Variants in CFH observed in about 807,000 individuals in gnomAD.
The protein encoded by CFH is complement factor H.
Under a neutral mutation model 147.3 loss-of-function variants are expected in CFH, and 53 were observed. The observed-to-expected ratio is 0.36, with a 90% CI of 0.29 to 0.45. CFH has a LOEUF of 0.45. CFH is among the 20% of genes least tolerant of loss of function. The pLI, the probability that CFH is intolerant of heterozygous loss-of-function variation, is 1.00. For missense variants in CFH, 1,380 were observed against 1,498.0 expected (o/e 0.92, Z 1.30); for synonymous variants, 536 against 489.4 (o/e 1.10, Z -1.26).
intron 21 of CFH, among the ~76,000 whole-genome samples, chr1:196,746,407 C>A (rs548788289): frequency 6.6e-6 from 1 of 152,236 alleles, no homozygotes; most frequent in African/African-American, 2.4e-5. Context: ...GCCGAGTTCG[C>A]GCCACTGCAC....
At chr1:196,704,970 T>A (rs977388203) in intron 9 of CFH, among the ~76,000 whole-genome samples, 9 of 152,316 alleles carry the variant, frequency 5.9e-5, no homozygotes, top group Middle Eastern at 3.4e-3. Context: ...CAGAGTCCCA[T>A]GAAGTGTTTG....
intron 5 of CFH, 117 bp downstream of exon 5, chr1:196,677,784 A>G (rs1667509730): frequency 2.1e-6 from 2 of 967,672 alleles, no homozygotes; most frequent in East Asian, 2.6e-5. Context: ...TTTATTGAGC[A>G]CTTACTATCT....
At chr1:196,676,207 A>G in intron 4 of CFH, 142 bp downstream of exon 4, 2 of 532,274 alleles carry the variant, frequency 3.8e-6, no homozygotes, top group Non-Finnish European at 3.1e-6. Context: ...GTGGGAATCT[A>G]GTCTTTTTAT....
At chr1:196,679,968 C>T (rs886761323) in intron 6 of CFH, among the ~76,000 whole-genome samples, 175 bp downstream of exon 6, 3 of 151,706 alleles carry the variant, frequency 2.0e-5, no homozygotes, top group Non-Finnish European at 2.9e-5. Flanking sequence ...ACACTTCGTA[C>T]GATACACACA....
At chr1:196,728,637 G>A in intron 15 of CFH, 115 bp downstream of exon 15, 1 of 1,024,796 alleles carries the variant, frequency 9.8e-7, no homozygotes, top group Non-Finnish European at 1.5e-6. Context: ...TACTGAATAA[G>A]GCAGGTAAAC....
At chr1:196,701,099 T>C (rs1668435889) in intron 9 of CFH, among the ~76,000 whole-genome samples, 1 of 152,198 alleles carries the variant, frequency 6.6e-6, no homozygotes, top group South Asian at 2.1e-4. Context: ...TTTTGGAATC[T>C]GAAACTTTAT....
chr1:196,718,392 G>A (rs1468081304), intron 11 of CFH, among the ~76,000 whole-genome samples: 1 of 152,098 alleles, frequency 6.6e-6, no homozygotes, highest in Non-Finnish European at 1.5e-5. Context: ...ATGGTTGAAA[G>A]CCATTTGTTA....
chr1:196,730,389 A>G (rs1669254816), intron 15 of CFH, among the ~76,000 whole-genome samples: 1 of 151,854 alleles, frequency 6.6e-6, no homozygotes, highest in African/African-American at 2.4e-5. Context: ...AAAATTTTCC[A>G]TAGTTCCTCC....
At chr1:196,668,088 A>G (rs1233395952) in intron 1 of CFH, among the ~76,000 whole-genome samples, 1 of 152,150 alleles carries the variant, frequency 6.6e-6, no homozygotes, top group East Asian at 1.9e-4. Flanking sequence ...AGTAAAATAT[A>G]CATAGCATAG....
intron 9 of CFH, among the ~76,000 whole-genome samples, chr1:196,698,981 A>C (rs2149095118): frequency 6.6e-6 from 1 of 152,306 alleles, no homozygotes; most frequent in Non-Finnish European, 1.5e-5. Flanking sequence ...GATGCAGAAA[A>C]GGCCTTCAAT....
rs117464455 is a variant in CFH, at chr1:196,674,843, A to G, written c.350+881A>G. 9.9e-5 allele frequency among the ~76,000 whole-genome samples: 15 copies of G among 152,280 alleles called. No individual in the cohort carries two copies. The East Asian group carries it at 2.9e-3, about 29-fold the overall frequency. On this transcript the variant is annotated intron_variant, in intron 3 of 21. Transcript: ENST00000367429. ...CCATTTCCTCTCCTACAAAACAGACACATTTTATGTGCATCATGGATTGGC... is the reference window on the plus strand; with the variant it reads ...CCATTTCCTCTCCTACAAAACAGACGCATTTTATGTGCATCATGGATTGGC...
chr1:196,709,582 A>C (rs1486381258), intron 9 of CFH, among the ~76,000 whole-genome samples: 2 of 152,148 alleles, frequency 1.3e-5, no homozygotes, highest in Non-Finnish European at 2.9e-5. Flanking sequence ...AAGGGGGAAA[A>C]ATTCAACTAT....
intron 12 of CFH, among the ~76,000 whole-genome samples, chr1:196,725,623 G>A (rs1181524486): frequency 1.3e-5 from 2 of 152,146 alleles, no homozygotes; most frequent in Non-Finnish European, 2.9e-5. Context: ...CTATACTCAT[G>A]ACTATAAAAT....
Position 196,675,970 on chromosome 1 carries a change from G to A in CFH, c.351-19G>A, listed in dbSNP as rs980622798. 6.4e-7 allele frequency: 1 copy of A among 1,555,450 alleles called. No individual in the cohort carries two copies. The highest frequency in any genetic ancestry group is 8.9e-7 in the Non-Finnish European group (1 of 1,127,928). On this transcript the variant is annotated intron_variant, in intron 3 of 21. Transcript: ENST00000367429. ...TAAACACACATTATGTCAACGTTCT[G>A]TTATTTTTTGGTTTTCAGGTATCAA... is the stretch of plus-strand genomic sequence containing the variant.
At chr1:196,705,096 T>G (rs2149098174) in intron 9 of CFH, among the ~76,000 whole-genome samples, 1 of 152,326 alleles carries the variant, frequency 6.6e-6, no homozygotes, top group Non-Finnish European at 1.5e-5. Flanking sequence ...TAAGGAGTTT[T>G]GGGACCTCCA....
At position 196,672,278 on chromosome 1, in the gene CFH, C is replaced by CCCTATATTT. The variant is rs1284546318; in HGVS notation, c.59-699_59-691dup. ...TAACCAGGTAAAAAATGGCCAGAGA[C>CCCTATATTT]CCTATATTTACTTGAAACAGGTCCT... On this transcript the variant is annotated intron_variant, in intron 1 of 21. Transcript: ENST00000367429. Among the ~76,000 whole-genome samples, 16 of 152,238 alleles carry CCCTATATTT rather than the reference C, an allele frequency of 1.1e-4. 1 individual carries two copies. Among genetic ancestry groups the CCCTATATTT allele is most frequent in the African/African-American group, 3.9e-4 (16 of 41,542 alleles).
At chr1:196,662,802 G>T (rs1666951837) in intron 1 of CFH, among the ~76,000 whole-genome samples, 1 of 151,936 alleles carries the variant, frequency 6.6e-6, no homozygotes, top group Non-Finnish European at 1.5e-5. Context: ...GACCACTTGA[G>T]CCCAGGGGGT....
intron 9 of CFH, among the ~76,000 whole-genome samples, chr1:196,707,529 A>G (rs1668620144): frequency 6.6e-6 from 1 of 152,172 alleles, no homozygotes; most frequent in South Asian, 2.1e-4. Context: ...GACCACTTAA[A>G]ACACAGTGAA....
chr1:196,736,718 A>G, intron 15 of CFH, 106 bp from the exon 16 acceptor site: 3 of 453,436 alleles, frequency 6.6e-6, no homozygotes, highest in Non-Finnish European at 9.6e-6. Context: ...CTTTCTATTT[A>G]TTCTATTTTA....
Sources: gnomAD v4.1 joint callset for allele counts (sites outside exome capture counted in the v4.1 genomes callset) on GRCh38, gnomAD v4.1.1 for gene constraint, MANE v1.5 for transcripts, NCBI Gene and HGNC (gene_info 2026-07-23, HGNC 2026-07-21) for gene names.